DOCK7: variants seen among roughly 807,000 people sequenced by gnomAD.
DOCK7 encodes dedicator of cytokinesis 7, also known as dedicator of cytokinesis protein 7.
Under a neutral mutation model 271.0 loss-of-function variants are expected in DOCK7, and 138 were observed. That is an observed-to-expected ratio of 0.51 (90% CI 0.44 to 0.59). The LOEUF is 0.59. Ranked by LOEUF, DOCK7 falls within the 20% of genes least tolerant of loss-of-function variation. The pLI is 0.00. For synonymous variants in DOCK7, 823 were observed against 876.1 expected, an observed-to-expected ratio of 0.94 and a Z score of 1.07; for missense variants, 2,066 against 2,592.4, an observed-to-expected ratio of 0.80 and a Z score of 4.41.
intron 31 of DOCK7, among the ~76,000 whole-genome samples, chr1:62,519,839 C>A (rs1233971283): frequency 1.3e-5 from 2 of 152,138 alleles, no homozygotes; most frequent in African/African-American, 4.8e-5. Flanking sequence ...CATCACACTA[C>A]CTGACTTCAA....
intron 14 of DOCK7, chr1:62,608,843 G>C (rs992207083): frequency 7.3e-6 from 1 of 136,606 alleles, no homozygotes; most frequent in Non-Finnish European, 1.6e-5. Flanking sequence ...CATAACTCAT[G>C]GAAGTCAACT....
chr1:62,494,270 C>G lies in DOCK7; in HGVS notation c.5217+5G>C. The G allele has an allele frequency of 6.4e-7, 1 of 1,570,768 alleles. No individual in the cohort carries two copies. Among genetic ancestry groups the G allele is most frequent in the Non-Finnish European group, 8.7e-7 (1 of 1,148,676 alleles). ...TGATTTAATGTACATCTGGAAGATT[C>G]CTACCTGAAATGTTACACATCCCAC... is the stretch of plus-strand genomic sequence containing the variant. On this transcript the variant is annotated splice_donor_5th_base_variant and intron_variant, in intron 40 of 49. Coordinates refer to ENST00000635253, the MANE Select transcript of DOCK7 (RefSeq NM_001367561.1).
chr1:62,515,554 T>C (rs749393408), intron 31 of DOCK7, among the ~76,000 whole-genome samples: 1 of 152,224 alleles, frequency 6.6e-6, no homozygotes, highest in Non-Finnish European at 1.5e-5. Flanking sequence ...ACATCTCTTA[T>C]ATTCCCACAT....
At chr1:62,510,926 T>C (rs769301310) in intron 33 of DOCK7, 42 of 373,360 alleles carry the variant, frequency 1.1e-4, no homozygotes, top group Admixed American at 4.3e-4. Context: ...TGTTCTAACA[T>C]TGGTTTGCTT....
intron 18 of DOCK7, among the ~76,000 whole-genome samples, chr1:62,574,114 C>T (rs931145026): frequency 1.3e-5 from 2 of 152,118 alleles, no homozygotes; most frequent in African/African-American, 4.8e-5. Context: ...TCAGAGTCTT[C>T]TACCTGCCCC....
rs774913003 is a variant in DOCK7, at chr1:62,653,979, C to T, written c.320+5G>A. ...AAAGCCAAAAATAAGTCAATGTCTC[C>T]TTACCTTTCTTCAGGTACAGCTGAA... On this transcript the variant is annotated splice_donor_5th_base_variant and intron_variant, in intron 3 of 49. Coordinates refer to ENST00000635253, the MANE Select transcript of DOCK7 (RefSeq NM_001367561.1). The T allele has an allele frequency of 3.7e-6, 6 of 1,611,720 alleles. No homozygotes were observed. Among genetic ancestry groups the T allele is most frequent in the South Asian group, 1.1e-5 (1 of 90,766 alleles).
chr1:62,463,364 T>A (rs1369036052), intron 48 of DOCK7, among the ~76,000 whole-genome samples: 1 of 152,214 alleles, frequency 6.6e-6, no homozygotes, highest in Non-Finnish European at 1.5e-5. Flanking sequence ...ACTCAAATGC[T>A]ACTGATGGGA....
At chr1:62,592,508 A>G (rs1648597660) in intron 14 of DOCK7, among the ~76,000 whole-genome samples, 1 of 152,148 alleles carries the variant, frequency 6.6e-6, no homozygotes, top group South Asian at 2.1e-4. Flanking sequence ...TAAACGCAGG[A>G]GGAAGAAAAT....
At position 62,688,301 on chromosome 1, in the gene DOCK7, G is replaced by A; in HGVS notation, c.-37C>T. 1 of 1,220,950 alleles carries A rather than the reference G, an allele frequency of 8.2e-7. No individual in the cohort carries two copies. The highest frequency in any genetic ancestry group is 3.4e-5 in the South Asian group (1 of 29,822). The allele number at this position is 1,220,950 out of a possible 1,614,324, so 75.6% of individuals were successfully genotyped here. ...CGACGGCGACGGCGGCGGCGGCTGC[G>A]GCGGGCCGGGTGCGGACCGGCGGGC... On this transcript the variant is annotated 5_prime_UTR_variant, in exon 1 of 50. Coordinates refer to ENST00000635253, the MANE Select transcript of DOCK7 (RefSeq NM_001367561.1).
chr1:62,505,905 C>T (rs1176379687), intron 35 of DOCK7, 89 bp from the exon 36 acceptor site: 12 of 1,255,540 alleles, frequency 9.6e-6, no homozygotes, highest in African/African-American at 1.5e-5. Flanking sequence ...AAATAAAGGC[C>T]TCCCTGTATG....
intron 1 of DOCK7, among the ~76,000 whole-genome samples, chr1:62,687,257 C>G (rs892901723): frequency 2.6e-5 from 4 of 152,194 alleles, no homozygotes; most frequent in African/African-American, 9.7e-5. Flanking sequence ...TAAGTATACT[C>G]CACAAAGAAA....
At chr1:62,465,067 A>C (rs1410488219) in intron 48 of DOCK7, among the ~76,000 whole-genome samples, 1 of 152,220 alleles carries the variant, frequency 6.6e-6, no homozygotes, top group Non-Finnish European at 1.5e-5. Flanking sequence ...AAACAGATGT[A>C]AAGATACATT....
At chr1:62,584,802 A>G (rs1296550340) in intron 15 of DOCK7, 1 of 739,628 alleles carries the variant, frequency 1.4e-6, no homozygotes, top group Non-Finnish European at 2.5e-6. Flanking sequence ...GTCCCATGAA[A>G]GAAGTGAGAA....
intron 48 of DOCK7, among the ~76,000 whole-genome samples, chr1:62,462,802 C>G (rs1002819701): frequency 2.0e-5 from 3 of 151,328 alleles, no homozygotes. Flanking sequence ...GGTCTCACTA[C>G]GTAGACTTGA....
At position 62,578,864 on chromosome 1, in the gene DOCK7, T is replaced by C. The variant is rs1647022718; in HGVS notation, c.1974A>G (p.Lys658=). ...FTFYHVSCQQ[K]QNTPLETPVG... Reference sequence around the variant, plus strand: ...CTGGTGTTTCAAGAGGAGTATTTTGTTTTTGTTGACAACTAACATGATAAA... The same window carrying C: ...CTGGTGTTTCAAGAGGAGTATTTTGCTTTTGTTGACAACTAACATGATAAA... The change falls in exon 17 of 50, where the codon AAA becomes AAG. Residue 658 remains lysine, a synonymous_variant. Coordinates refer to ENST00000635253, the MANE Select transcript of DOCK7 (RefSeq NM_001367561.1). 1 of 1,608,300 alleles carries C rather than the reference T, an allele frequency of 6.2e-7. No individual in the cohort carries two copies. Among genetic ancestry groups the C allele is most frequent in the Admixed American group, 1.7e-5 (1 of 58,966 alleles).
At position 62,641,390 on chromosome 1, in the gene DOCK7, T is replaced by G. The variant is rs1656008443; in HGVS notation, c.819-4787A>C. The G allele has an allele frequency of 1.0e-5, 4 of 399,286 alleles. No individual in the cohort carries two copies. In the Middle Eastern group the frequency reaches 2.6e-3, roughly 260 times the overall value. 24.7% of individuals were successfully genotyped at this position (399,286 alleles called of 1,614,324 possible). A position where few individuals can be genotyped will look rare whatever the true frequency, so the allele number is the denominator to read the frequency against. On this transcript the variant is annotated intron_variant, in intron 7 of 49. Transcript: ENST00000635253. ...AGGAACCACAGTCCACTTTTTGTCA[T>G]AGGGGAGTGGGATCCCATCAAACAT...
chr1:62,488,843 C>A lies in DOCK7; in HGVS notation c.5493+91G>T, dbSNP rs548122391. On this transcript the variant is annotated intron_variant, in intron 42 of 49. Coordinates refer to ENST00000635253, the MANE Select transcript of DOCK7 (RefSeq NM_001367561.1). ...TAGTCTGATTAAAATGGTCATTTCA[C>A]GGGATCTAGTTTGACATCAGTGCAA... 2.6e-5 allele frequency: 40 copies of A among 1,516,138 alleles called. No homozygotes were observed. The East Asian group carries it at 5.7e-4, about 22-fold the overall frequency. The allele number at this position is 1,516,138 out of a possible 1,614,324, so 93.9% of individuals were successfully genotyped here. A position where few individuals can be genotyped will look rare whatever the true frequency, so the allele number is the denominator to read the frequency against.
chr1:62,505,890 T>C (rs1242756151), intron 35 of DOCK7, 74 bp from the exon 36 acceptor site: 2 of 1,452,018 alleles, frequency 1.4e-6, no homozygotes, highest in Non-Finnish European at 1.8e-6. Flanking sequence ...GGCCTCCCTA[T>C]GTATAAATAA....
At chr1:62,669,497 T>C (rs1468947258) in intron 1 of DOCK7, among the ~76,000 whole-genome samples, 1 of 152,242 alleles carries the variant, frequency 6.6e-6, no homozygotes, top group Non-Finnish European at 1.5e-5. Context: ...GGGTATTCTA[T>C]GCTGTCTCTT....
Sources: gnomAD v4.1 joint callset for allele counts (sites outside exome capture counted in the v4.1 genomes callset) on GRCh38, gnomAD v4.1.1 for gene constraint, MANE v1.5 for transcripts, NCBI Gene and HGNC (gene_info 2026-07-23, HGNC 2026-07-21) for gene names.